The following OPCML variants were observed in gnomAD, a reference collection of about 807,000 sequenced individuals.
OPCML encodes opioid-binding protein/cell adhesion molecule.
Under a neutral mutation model 37.8 loss-of-function variants are expected in OPCML, and 13 were observed. The ratio of observed to expected loss-of-function variants is 0.34; its 90% CI spans 0.22 to 0.55. OPCML has a LOEUF of 0.55. Among genes scored for constraint, OPCML ranks in the 20% least tolerant of loss-of-function variants. OPCML has a pLI of 0.91. For synonymous variants in OPCML, 176 were observed against 168.8 expected, an observed-to-expected ratio of 1.04 and a Z score of -0.33; for missense variants, 341 against 435.6, an observed-to-expected ratio of 0.78 and a Z score of 1.93.
chr11:133,135,826 G>T (rs1055170212), intron 1 of OPCML, among the ~76,000 whole-genome samples: 2 of 152,266 alleles, frequency 1.3e-5, no homozygotes, highest in African/African-American at 4.8e-5. Flanking sequence ...CCAAAAGTAG[G>T]CTTCTTTATT....
intron 2 of OPCML, among the ~76,000 whole-genome samples, chr11:132,672,868 T>C (rs549016922): frequency 1.3e-5 from 2 of 152,270 alleles, no homozygotes; most frequent in African/African-American, 4.8e-5. Context: ...GGCCAACATA[T>C]TGAGATGTTT....
intron 2 of OPCML, among the ~76,000 whole-genome samples, chr11:132,915,383 G>A (rs1944572498): frequency 1.3e-5 from 2 of 152,212 alleles, no homozygotes; most frequent in African/African-American, 4.8e-5. Context: ...GGCATGACAT[G>A]GGAAGGCTGG....
At chr11:133,302,093 T>A (rs920351552) in intron 1 of OPCML, 3 of 152,092 alleles carry the variant, frequency 2.0e-5, no homozygotes, top group African/African-American at 7.2e-5. Flanking sequence ...GTCAGAAAAA[T>A]TAGGAGAAGG....
At chr11:133,013,940 C>A (rs959765793) in intron 1 of OPCML, among the ~76,000 whole-genome samples, 2 of 152,284 alleles carry the variant, frequency 1.3e-5, no homozygotes, top group South Asian at 4.2e-4. Flanking sequence ...CTGTGCCCTG[C>A]CTCTATTTGC....
chr11:132,576,113 T>C (rs2096450014), intron 3 of OPCML, among the ~76,000 whole-genome samples: 1 of 152,120 alleles, frequency 6.6e-6, no homozygotes, highest in African/African-American at 2.4e-5. Context: ...ACAATTTGAT[T>C]TTAATGTTTA....
intron 1 of OPCML, among the ~76,000 whole-genome samples, chr11:133,387,717 T>C (rs1282230271): frequency 1.3e-5 from 2 of 152,232 alleles, no homozygotes; most frequent in African/African-American, 4.8e-5. Flanking sequence ...GCAAAATCTC[T>C]GTCCACATGG....
At chr11:133,109,305 A>G (rs527805848) in intron 1 of OPCML, among the ~76,000 whole-genome samples, 2 of 152,290 alleles carry the variant, frequency 1.3e-5, no homozygotes, top group South Asian at 4.2e-4. Flanking sequence ...CAAAAGAACA[A>G]GGACTCCACA....
At chr11:132,899,697 G>T (rs1252934073) in intron 2 of OPCML, among the ~76,000 whole-genome samples, 1 of 152,064 alleles carries the variant, frequency 6.6e-6, no homozygotes, top group African/African-American at 2.4e-5. Context: ...GTCTGTAGGG[G>T]ATTTCCAGAG....
chr11:133,326,527 A>G (rs1246047035), intron 1 of OPCML, among the ~76,000 whole-genome samples: 14 of 74,266 alleles, frequency 1.9e-4, no homozygotes, highest in Admixed American at 4.4e-4. Flanking sequence ...GGTATGTGTA[A>G]GTGTGTGGGG....
intron 1 of OPCML, among the ~76,000 whole-genome samples, chr11:133,172,415 C>A (rs1950300340): frequency 6.6e-6 from 1 of 152,056 alleles, no homozygotes; most frequent in Non-Finnish European, 1.5e-5. Context: ...CTACCTGAGA[C>A]CTGAAGGATG....
intron 4 of OPCML, among the ~76,000 whole-genome samples, chr11:132,510,593 C>A (rs1157538257): frequency 6.6e-6 from 1 of 152,118 alleles, no homozygotes; most frequent in Non-Finnish European, 1.5e-5. Flanking sequence ...CTCACAAGAT[C>A]TGATGGGTTT....
intron 2 of OPCML, among the ~76,000 whole-genome samples, chr11:132,703,629 G>A (rs531766890): frequency 4.6e-5 from 7 of 152,180 alleles, no homozygotes; most frequent in Admixed American, 6.5e-5. Context: ...GGAATGATCC[G>A]GTGCATATGT....
At position 133,025,719 on chromosome 11, in the gene OPCML, C is replaced by T. The variant is rs189954656; in HGVS notation, c.62-82709G>A. 1.5e-3 allele frequency among the ~76,000 whole-genome samples: 221 copies of T among 146,078 alleles called. 2 individuals carry two copies. The highest frequency in any genetic ancestry group is 5.3e-3 in the African/African-American group (210 of 39,402). On this transcript the variant is annotated intron_variant, in intron 1 of 7. Coordinates refer to ENST00000524381, the MANE Select transcript of OPCML (RefSeq NM_001012393.5). ...TATGGGCATGAGCCAAGGTGCCTGC[C>T]GATTTGATTTTTTTTTTTTTTTTTT...
At chr11:132,890,856 C>CAAAAAAAAAAA (rs57246769) in intron 2 of OPCML, among the ~76,000 whole-genome samples, 4 of 46,354 alleles carry the variant, frequency 8.6e-5, no homozygotes, top group Admixed American at 4.9e-4. Context: ...GACTCCATCT[C>CAAAAAAAAAAA]AAAAAAAAAA....
chr11:133,141,414 A>G (rs1019613161), intron 1 of OPCML, among the ~76,000 whole-genome samples: 3 of 152,102 alleles, frequency 2.0e-5, no homozygotes. Context: ...TGCTCCACAA[A>G]ATAGTCTTCA....
At position 132,557,557 on chromosome 11, in the gene OPCML, C is replaced by T. The variant is rs376948708; in HGVS notation, c.380-28371G>A. Among the ~76,000 whole-genome samples the T allele has an allele frequency of 2.6e-5, 4 of 152,154 alleles. No homozygotes were observed. In the East Asian group the frequency reaches 5.8e-4, roughly 22 times the overall value. On this transcript the variant is annotated intron_variant, in intron 3 of 7. Coordinates refer to ENST00000524381, the MANE Select transcript of OPCML (RefSeq NM_001012393.5). ...ATGGCTCCCATGCCTATTTGAATCCCGTCCTTTCCTTTATTAATAATCCAT... is the reference window on the plus strand; with the variant it reads ...ATGGCTCCCATGCCTATTTGAATCCTGTCCTTTCCTTTATTAATAATCCAT...
At chr11:133,115,737 T>C (rs1949323558) in intron 1 of OPCML, among the ~76,000 whole-genome samples, 2 of 152,144 alleles carry the variant, frequency 1.3e-5, no homozygotes, top group African/African-American at 4.8e-5. Context: ...AGTTTATTTA[T>C]ATATAATTTA....
At chr11:132,954,888 C>A (rs111419876) in intron 1 of OPCML, among the ~76,000 whole-genome samples, 4,006 of 152,130 alleles carry the variant, frequency 0.026, 177 homozygotes, top group African/African-American at 0.092. Flanking sequence ...GATCGGTGCC[C>A]ACACAGAAAT....
intron 1 of OPCML, among the ~76,000 whole-genome samples, chr11:133,091,828 T>C (rs150502503): frequency 1.5e-3 from 222 of 152,286 alleles, no homozygotes; most frequent in African/African-American, 5.1e-3. Context: ...GATGAGACTT[T>C]AGATTTTAGA....
Sources: allele counts gnomAD v4.1 joint callset (sites outside exome capture counted in the v4.1 genomes callset), GRCh38; gene constraint gnomAD v4.1.1; transcripts MANE v1.5; gene names NCBI Gene and HGNC (gene_info 2026-07-23, HGNC 2026-07-21).